Variants in OR51B5 observed in about 807,000 individuals in gnomAD.
The protein encoded by OR51B5 is olfactory receptor family 51 subfamily B member 5.
For synonymous variants in OR51B5, 186 were observed against 144.8 expected, an observed-to-expected ratio of 1.28 and a Z score of -2.04; for missense variants, 456 against 374.6, an observed-to-expected ratio of 1.22 and a Z score of -1.79.
Position 5,464,333 on chromosome 11 carries a change from G to A in OR51B5, n.84+41236C>T, listed in dbSNP as rs541270019. ...TTTAAGTTTTAGGGTACATGTGCAC[G>A]TTGTGCAGGTTAGTTACATATGTAT... On this transcript the variant is annotated intron_variant and non_coding_transcript_variant, in intron 1 of 4. Coordinates refer to the OR51B5 transcript ENST00000415970. 1.8e-4 allele frequency among the ~76,000 whole-genome samples: 27 copies of A among 152,130 alleles called. No individual in the cohort carries two copies. In the South Asian group the frequency reaches 1.9e-3, roughly 11 times the overall value.
chr11:5,441,810 T>C (rs1281108633), intron 1 of OR51B5, among the ~76,000 whole-genome samples: 2 of 152,162 alleles, frequency 1.3e-5, no homozygotes, highest in African/African-American at 4.8e-5. Context: ...CAATTGCTTC[T>C]GGTAGACCAG....
chr11:5,387,747 A>G (rs1849721053), intron 1 of OR51B5, among the ~76,000 whole-genome samples: 1 of 137,846 alleles, frequency 7.3e-6, no homozygotes, highest in Non-Finnish European at 1.6e-5. Flanking sequence ...TTTCCCTAAG[A>G]TAGCCACACA....
chr11:5,423,918 A>G (rs1054963341), intron 1 of OR51B5, among the ~76,000 whole-genome samples: 4 of 152,168 alleles, frequency 2.6e-5, no homozygotes, highest in African/African-American at 9.7e-5. Context: ...GGACCAGAGC[A>G]GACTTTTTTC....
chr11:5,458,420 A>G (rs757359993), intron 1 of OR51B5, among the ~76,000 whole-genome samples: 56 of 152,318 alleles, frequency 3.7e-4, no homozygotes, highest in Non-Finnish European at 7.1e-4. Context: ...ATTTTTGTTT[A>G]GGAACGCTTT....
chr11:5,418,123 G>T (rs1377453438), intron 1 of OR51B5, among the ~76,000 whole-genome samples: 2 of 151,340 alleles, frequency 1.3e-5, no homozygotes, highest in East Asian at 3.9e-4. Context: ...GATGAAGTTG[G>T]AAATCCTCAT....
chr11:5,351,883 AGCCCCTTAAGATAT>A (rs1425220169), intron 1 of OR51B5: 1 of 1,613,264 alleles, frequency 6.2e-7, no homozygotes, highest in South Asian at 1.1e-5. Context: ...TACCATCCGC[AGCCCCTTAAGATAT>A]ACCTCTATCC....
intron 1 of OR51B5, among the ~76,000 whole-genome samples, chr11:5,457,008 C>T: frequency 6.6e-6 from 1 of 152,200 alleles, no homozygotes; most frequent in Non-Finnish European, 1.5e-5. Context: ...TTCCCAGAAG[C>T]CGAGCCTATG....
At chr11:5,354,331 A>C (rs1158207358) in intron 1 of OR51B5, among the ~76,000 whole-genome samples, 11 of 152,346 alleles carry the variant, frequency 7.2e-5, no homozygotes, top group Admixed American at 6.5e-4. Flanking sequence ...AACCTGCCAT[A>C]GCAGGCTAGT....
intron 1 of OR51B5, chr11:5,431,606 A>C (rs1017305462): frequency 1.7e-4 from 27 of 155,196 alleles, no homozygotes; most frequent in African/African-American, 6.5e-4. Flanking sequence ...CTCCCATGCC[A>C]CCAACAGCAG....
intron 1 of OR51B5, among the ~76,000 whole-genome samples, chr11:5,504,123 T>A (rs1354269066): frequency 2.0e-5 from 3 of 151,972 alleles, no homozygotes; most frequent in Non-Finnish European, 4.4e-5. Context: ...TAAATACAAG[T>A]AATGAAGCCC....
chr11:5,437,783 T>C (rs1391234615), intron 1 of OR51B5, among the ~76,000 whole-genome samples: 4 of 152,230 alleles, frequency 2.6e-5, no homozygotes, highest in Non-Finnish European at 5.9e-5. Context: ...ACAGATTCTT[T>C]TTCCCAACAC....
At chr11:5,345,024 C>T (rs1022921305), upstream of OR51B5, among the ~76,000 whole-genome samples, 7 of 152,072 alleles carry the variant, frequency 4.6e-5, no homozygotes, top group Non-Finnish European at 7.4e-5. Flanking sequence ...GGAAAATCAG[C>T]ATGACTGGCA....
intron 1 of OR51B5, among the ~76,000 whole-genome samples, chr11:5,353,877 A>C (rs978002945): frequency 6.6e-6 from 1 of 152,188 alleles, no homozygotes; most frequent in Non-Finnish European, 1.5e-5. Context: ...AACAAAAATA[A>C]AATAATACCT....
intron 1 of OR51B5, among the ~76,000 whole-genome samples, chr11:5,360,287 C>A (rs1186279629): frequency 6.6e-6 from 1 of 151,822 alleles, no homozygotes. Flanking sequence ...TGAACTCAAA[C>A]AAATTTACAA....
At chr11:5,351,394 G>T in intron 1 of OR51B5, 2 of 731,720 alleles carry the variant, frequency 2.7e-6, no homozygotes, top group Admixed American at 2.9e-5. Context: ...GTCACTGAAA[G>T]TCAGGACTGG....
intron 1 of OR51B5, among the ~76,000 whole-genome samples, chr11:5,472,227 G>A (rs1187946808): frequency 6.6e-6 from 1 of 152,126 alleles, no homozygotes; most frequent in Non-Finnish European, 1.5e-5. Context: ...ATGTGCATGT[G>A]GGGAGAGAAA....
intron 1 of OR51B5, among the ~76,000 whole-genome samples, chr11:5,386,776 G>A (rs375715641): frequency 1.1e-3 from 167 of 152,008 alleles, no homozygotes; most frequent in African/African-American, 3.9e-3. Context: ...AGATTACAGG[G>A]ATAGATTAAA....
chr11:5,458,287 G>T (rs1052422135), intron 1 of OR51B5, among the ~76,000 whole-genome samples: 2 of 152,052 alleles, frequency 1.3e-5, no homozygotes, highest in African/African-American at 4.8e-5. Context: ...TAGGTGTGTG[G>T]CTTTGTTTCT....
chr11:5,498,451 A>G (rs1222317143), intron 1 of OR51B5, among the ~76,000 whole-genome samples: 1 of 152,178 alleles, frequency 6.6e-6, no homozygotes, highest in African/African-American at 2.4e-5. Flanking sequence ...CCTGGCCAAC[A>G]AATGGTCCTG....
Sources: gnomAD v4.1 joint callset for allele counts (sites outside exome capture counted in the v4.1 genomes callset) on GRCh38, gnomAD v4.1.1 for gene constraint, MANE v1.5 for transcripts, NCBI Gene and HGNC (gene_info 2026-07-23, HGNC 2026-07-21) for gene names.